The following CD38 variants were observed in gnomAD, a reference collection of about 807,000 sequenced individuals.
The protein encoded by CD38 is CD38 molecule.
Under a neutral mutation model 36.3 loss-of-function variants are expected in CD38, and 31 were observed. That is an observed-to-expected ratio of 0.85 (90% CI 0.64 to 1.15). CD38 has a LOEUF of 1.15. Among genes scored for constraint, CD38 ranks in the 50% most tolerant of loss-of-function variants. The pLI is 0.00. For missense variants in CD38, 380 were observed against 371.9 expected (o/e 1.02, Z -0.18); for synonymous variants, 131 against 135.2 (o/e 0.97, Z 0.22).
chr4:15,817,980 C>T (rs781383948), intron 2 of CD38, among the ~76,000 whole-genome samples: 1 of 152,046 alleles, frequency 6.6e-6, no homozygotes. Flanking sequence ...ACCCCAGTGG[C>T]GCCTGAAACC....
intron 1 of CD38, among the ~76,000 whole-genome samples, chr4:15,784,037 G>A (rs780298711): frequency 6.8e-4 from 104 of 152,164 alleles, no homozygotes; most frequent in Non-Finnish European, 1.1e-3. Flanking sequence ...GGAGGTATGC[G>A]GAGGACCAAC....
chr4:15,818,650 G>C (rs1213222349), intron 2 of CD38, among the ~76,000 whole-genome samples: 2 of 152,176 alleles, frequency 1.3e-5, no homozygotes, highest in East Asian at 3.9e-4. Flanking sequence ...AGCTTCCAGA[G>C]GAAGGAGCAG....
chr4:15,809,654 G>A (rs887221316), intron 1 of CD38, among the ~76,000 whole-genome samples: 7 of 152,094 alleles, frequency 4.6e-5, no homozygotes, highest in Admixed American at 1.3e-4. Context: ...GCAAATCACC[G>A]GCACAGAATG....
chr4:15,801,857 T>C (rs943881314), intron 1 of CD38, among the ~76,000 whole-genome samples: 1 of 152,134 alleles, frequency 6.6e-6, no homozygotes, highest in Admixed American at 6.6e-5. Context: ...CAGGGAAATG[T>C]TGGAAGTTTT....
chr4:15,816,654 T>C lies in CD38; in HGVS notation c.363+14T>C, dbSNP rs368898030. 47 of 1,612,964 alleles carry C rather than the reference T, an allele frequency of 2.9e-5. No individual in the cohort carries two copies. The highest frequency in any genetic ancestry group is 1.6e-4 in the Middle Eastern group (1 of 6,070). ...CCTTGCAACAAGGTAATTGGGGGCATGCCATTGATTTTAAAACTGGGGATA... is the reference window on the plus strand; with the variant it reads ...CCTTGCAACAAGGTAATTGGGGGCACGCCATTGATTTTAAAACTGGGGATA... On this transcript the variant is annotated intron_variant, in intron 2 of 7. Transcript: ENST00000226279.
intron 3 of CD38, among the ~76,000 whole-genome samples, chr4:15,826,465 A>G (rs201891664): frequency 0.014 from 1,877 of 135,502 alleles, 37 homozygotes; most frequent in African/African-American, 0.044. Flanking sequence ...GTGCGCACAC[A>G]CACACACACA....
In CD38 at chr4:15,791,137, C is replaced by T. The variant is rs1447755409; in HGVS notation, c.233+12490C>T. On this transcript the variant is annotated intron_variant, in intron 1 of 7. Transcript: ENST00000226279. ...CGCCCCTACTGGGAAGTGAGGAGCCCCTCTGCCCGGCCAGCCGCCCCGTCC... is the reference window on the plus strand; with the variant it reads ...CGCCCCTACTGGGAAGTGAGGAGCCTCTCTGCCCGGCCAGCCGCCCCGTCC... Among the ~76,000 whole-genome samples, 6 of 119,162 alleles carry T rather than the reference C, an allele frequency of 5.0e-5. No individual in the cohort carries two copies. The East Asian group carries it at 1.5e-3, about 30-fold the overall frequency. The allele number at this position is 119,162 out of a possible 152,430, so 78.2% of individuals were successfully genotyped here. A position where few individuals can be genotyped will look rare whatever the true frequency, so the allele number is the denominator to read the frequency against.
At chr4:15,831,080 T>C (rs1273034882) in intron 3 of CD38, among the ~76,000 whole-genome samples, 2 of 152,178 alleles carry the variant, frequency 1.3e-5, no homozygotes, top group African/African-American at 2.4e-5. Context: ...TAGTATCTTA[T>C]ATCCCATTAT....
At position 15,822,973 on chromosome 4, in the gene CD38, C is replaced by T. The variant is rs367726373; in HGVS notation, c.364-1908C>T. Among the ~76,000 whole-genome samples the T allele has an allele frequency of 1.9e-3, 284 of 152,042 alleles. 1 individual carries two copies. In the South Asian group the frequency reaches 0.029, roughly 15 times the overall value. ...ATGCCAAAATAGCATGGTACTTGTA[C>T]AAAAATAAACACATAGACCAATAGA... On this transcript the variant is annotated intron_variant, in intron 2 of 7. Coordinates refer to ENST00000226279, the MANE Select transcript of CD38 (RefSeq NM_001775.4).
chr4:15,823,143 ACTGGACCC>A (rs1723776012), intron 2 of CD38, among the ~76,000 whole-genome samples: 1 of 152,224 alleles, frequency 6.6e-6, no homozygotes, highest in African/African-American at 2.4e-5. Flanking sequence ...GACAATTGAA[ACTGGACCC>A]CTTCCTTGCA....
At chr4:15,779,813 AG>A (rs1722651378) in intron 1 of CD38, among the ~76,000 whole-genome samples, 1 of 152,108 alleles carries the variant, frequency 6.6e-6, no homozygotes, top group South Asian at 2.1e-4. Context: ...AAAAAAAAAA[AG>A]TAACACTGGT....
In CD38 at chr4:15,834,302, G is replaced by A; in HGVS notation, c.585G>A (p.Arg195=). The A allele has an allele frequency of 4.4e-6, 7 of 1,597,934 alleles. No homozygotes were observed. Among genetic ancestry groups the A allele is most frequent in the African/African-American group, 1.3e-5 (1 of 74,708 alleles). Residue 195 remains arginine (R), a splice_region_variant and synonymous_variant, in exon 4 of 8, where the codon AGG becomes AGA. Coordinates refer to ENST00000226279, the MANE Select transcript of CD38 (RefSeq NM_001775.4). ...TATTCTGGAAAACGGTTTCCCGCAGGGTAAGTACCAAGTAGTGAAATTCTA... is the reference window on the plus strand; with the variant it reads ...TATTCTGGAAAACGGTTTCCCGCAGAGTAAGTACCAAGTAGTGAAATTCTA... ...VSVFWKTVSR[R]FAEAACDVVH... is the part of the protein sequence containing the mutation.
At chr4:15,801,239 C>T (rs994105041) in intron 1 of CD38, among the ~76,000 whole-genome samples, 2 of 151,460 alleles carry the variant, frequency 1.3e-5, no homozygotes, top group Non-Finnish European at 2.9e-5. Flanking sequence ...ATACAAAATC[C>T]GAATAGACCA....
intron 1 of CD38, among the ~76,000 whole-genome samples, chr4:15,780,100 CAT>C (rs1722657528): frequency 6.6e-6 from 1 of 152,216 alleles, no homozygotes; most frequent in Non-Finnish European, 1.5e-5. Context: ...TGAAAATCTT[CAT>C]ACATACATTG....
intron 1 of CD38, among the ~76,000 whole-genome samples, chr4:15,803,775 A>G (rs562950712): frequency 6.6e-6 from 1 of 152,060 alleles, no homozygotes; most frequent in Non-Finnish European, 1.5e-5. Flanking sequence ...AGTACCCAAT[A>G]TGTGGTTTTG....
At chr4:15,796,608 G>C (rs751079583) in intron 1 of CD38, among the ~76,000 whole-genome samples, 9 of 151,964 alleles carry the variant, frequency 5.9e-5, no homozygotes, top group Non-Finnish European at 1.2e-4. Flanking sequence ...GAAATAACAT[G>C]TTACAAATAA....
chr4:15,847,749 C>CT (rs1254057181), intron 7 of CD38, among the ~76,000 whole-genome samples: 1 of 151,968 alleles, frequency 6.6e-6, no homozygotes, highest in Non-Finnish European at 1.5e-5. Context: ...ACTCTTTTAC[C>CT]TTTTTTGTCT....
chr4:15,819,699 A>T (rs1049360183), intron 2 of CD38, among the ~76,000 whole-genome samples: 3 of 152,218 alleles, frequency 2.0e-5, no homozygotes, highest in Non-Finnish European at 4.4e-5. Context: ...AGATTAGAGA[A>T]AAAAGAATGA....
intron 2 of CD38, among the ~76,000 whole-genome samples, chr4:15,824,316 A>G (rs1231324723): frequency 6.6e-6 from 1 of 152,134 alleles, no homozygotes; most frequent in Non-Finnish European, 1.5e-5. Context: ...CAGGATATAC[A>G]TTTTATTTAA....
Sources: allele counts gnomAD v4.1 joint callset (sites outside exome capture counted in the v4.1 genomes callset), GRCh38; gene constraint gnomAD v4.1.1; transcripts MANE v1.5; gene names NCBI Gene and HGNC (gene_info 2026-07-23, HGNC 2026-07-21).